The following PDE6A variants were observed in gnomAD, a reference collection of about 807,000 sequenced individuals.
The protein encoded by PDE6A is phosphodiesterase 6A.
PDE6A carries 84 observed loss-of-function variants against 106.3 expected under a neutral mutation model. The ratio of observed to expected loss-of-function variants is 0.79; its 90% CI spans 0.66 to 0.95. The LOEUF is 0.95. PDE6A is among the 40% of genes least tolerant of loss of function. PDE6A has a pLI of 0.00. For missense variants in PDE6A, 1,052 were observed against 1,084.9 expected (o/e 0.97, Z 0.43); for synonymous variants, 394 against 386.6 (o/e 1.02, Z -0.23).
chr5:149,907,463 T>A, intron 6 of PDE6A, 85 bp from the exon 7 acceptor site: 1 of 1,053,324 alleles, frequency 9.5e-7, no homozygotes, highest in East Asian at 2.4e-5. Context: ...GCGCTCCCCC[T>A]GCTCTCAGGT....
chr5:149,895,050 C>T, intron 13 of PDE6A, 133 bp downstream of exon 13: 3 of 699,940 alleles, frequency 4.3e-6, no homozygotes, highest in Admixed American at 4.1e-5. Flanking sequence ...TAAGCCCGTA[C>T]TGCTTTCACA....
chr5:149,937,355 G>C (rs946950129), intron 1 of PDE6A, among the ~76,000 whole-genome samples: 7 of 152,176 alleles, frequency 4.6e-5, no homozygotes, highest in Non-Finnish European at 7.3e-5. Flanking sequence ...CCATGGGAAA[G>C]AGTTTTGATT....
At chr5:149,897,734 C>T (rs1752808103) in intron 10 of PDE6A, among the ~76,000 whole-genome samples, 1 of 152,128 alleles carries the variant, frequency 6.6e-6, no homozygotes, top group South Asian at 2.1e-4. Context: ...GCACACGCCA[C>T]CATGCCTGAC....
chr5:149,878,563 G>A (rs1019986504), intron 17 of PDE6A, among the ~76,000 whole-genome samples: 1 of 152,206 alleles, frequency 6.6e-6, no homozygotes, highest in Non-Finnish European at 1.5e-5. Flanking sequence ...CAAAGGGCAT[G>A]AGCACTTACA....
intron 1 of PDE6A, among the ~76,000 whole-genome samples, chr5:149,938,004 C>T (rs1023626116): frequency 6.6e-6 from 1 of 152,172 alleles, no homozygotes; most frequent in African/African-American, 2.4e-5. Flanking sequence ...ATTCATTGAG[C>T]ACTCACTATG....
At chr5:149,897,031 G>A (rs1466300985) in intron 10 of PDE6A, among the ~76,000 whole-genome samples, 1 of 152,162 alleles carries the variant, frequency 6.6e-6, no homozygotes, top group Non-Finnish European at 1.5e-5. Context: ...TGTAAGTTGA[G>A]GATAATAAAC....
chr5:149,927,827 A>T (rs1561778146), intron 4 of PDE6A, among the ~76,000 whole-genome samples: 1 of 150,916 alleles, frequency 6.6e-6, no homozygotes, highest in African/African-American at 2.4e-5. Flanking sequence ...TTTCTCTTAA[A>T]TTTTTTTTTC....
intron 6 of PDE6A, 146 bp from the exon 7 acceptor site, chr5:149,907,524 T>C: frequency 1.5e-6 from 1 of 687,038 alleles, no homozygotes; most frequent in Non-Finnish European, 2.7e-6. Context: ...CCCAAAATGT[T>C]GGCCAACCAT....
chr5:149,874,482 G>T (rs1455320014), intron 17 of PDE6A, among the ~76,000 whole-genome samples: 3 of 149,414 alleles, frequency 2.0e-5, no homozygotes, highest in Non-Finnish European at 4.4e-5. Context: ...GAGGGGGAAT[G>T]CGTGCCACCA....
Position 149,905,387 on chromosome 5 carries a change from G to A in PDE6A, c.1066-1692C>T, listed in dbSNP as rs1753144613. Among the ~76,000 whole-genome samples, 3 of 152,118 alleles carry A rather than the reference G, an allele frequency of 2.0e-5. No homozygotes were observed. In the South Asian group the frequency reaches 6.2e-4, roughly 32 times the overall value. Reference sequence around the variant, plus strand: ...GCTTCCAACACTCCTCTCTCTCCATGGCATCAGAATTGTCTCTTCATCTAC... The same window carrying A: ...GCTTCCAACACTCCTCTCTCTCCATAGCATCAGAATTGTCTCTTCATCTAC... On this transcript the variant is annotated intron_variant, in intron 7 of 21. Transcript: ENST00000255266.
At chr5:149,937,232 G>A (rs73269792) in intron 1 of PDE6A, among the ~76,000 whole-genome samples, 2,041 of 152,294 alleles carry the variant, frequency 0.013, 52 homozygotes, top group African/African-American at 0.042. Context: ...GCTGGTCCTC[G>A]TGAGGAACAG....
At chr5:149,928,985 G>A (rs1753948869) in intron 4 of PDE6A, among the ~76,000 whole-genome samples, 1 of 152,152 alleles carries the variant, frequency 6.6e-6, no homozygotes, top group South Asian at 2.1e-4. Context: ...AAGTTACTAA[G>A]AATAATAATA....
At position 149,860,776 on chromosome 5, in the gene PDE6A, C is replaced by T. The variant is rs1760106373; in HGVS notation, c.*119G>A. 3 of 830,114 alleles carry T rather than the reference C, an allele frequency of 3.6e-6. No individual in the cohort carries two copies. The highest frequency in any genetic ancestry group is 5.9e-6 in the Non-Finnish European group (3 of 508,716). The allele number at this position is 830,114 out of a possible 1,614,324, so 51.4% of individuals were successfully genotyped here. On this transcript the variant is annotated 3_prime_UTR_variant, in exon 22 of 22. Coordinates refer to ENST00000255266, the MANE Select transcript of PDE6A (RefSeq NM_000440.3). The stretch of plus-strand genomic sequence containing the variant: ...TGAACAGTCCTGGAAGCTAAATTCT[C>T]TAACAGCTTTCAAATCCTATGACTC...
At position 149,931,121 on chromosome 5, in the gene PDE6A, G is replaced by T; in HGVS notation, c.765C>A (p.Ile255=). The T allele has an allele frequency of 6.2e-7, 1 of 1,614,060 alleles. No homozygotes were observed. ...ACAGGGCTTTGTGGAACTGTCGTTCGATGTCCGTAAGTTCTTCAAAGACTT... is the reference window on the plus strand; with the variant it reads ...ACAGGGCTTTGTGGAACTGTCGTTCTATGTCCGTAAGTTCTTCAAAGACTT... ...GSKVFEELTD[I]ERQFHKALYT... The change falls in exon 4 of 22, where the codon ATC becomes ATA. Residue 255 remains isoleucine, a synonymous_variant. Transcript: ENST00000255266.
Position 149,898,425 on chromosome 5 carries a change from T to C in PDE6A, c.1345A>G (p.Ile449Val). 25 of 1,613,450 alleles carry C rather than the reference T, an allele frequency of 1.5e-5. No homozygotes were observed. Among genetic ancestry groups the C allele is most frequent in the Non-Finnish European group, 2.1e-5 (25 of 1,179,400 alleles). The change falls in exon 10 of 22, where the codon ATT (isoleucine) becomes GTT (valine). Residue 449 changes from isoleucine (I) to valine (V), a missense_variant. This residue lies in a region of PDE6A where 913 missense variants were observed against 915.2 expected (regional missense o/e 1.00). Transcript: ENST00000255266. ...SMNKLENRKD[I>V]FQDIVKYHVK... ...TGATATTTTACTATGTCCTGGAAAATATCCTTCCTATTTTCAAGTTTATTC... is the reference window on the plus strand; with the variant it reads ...TGATATTTTACTATGTCCTGGAAAACATCCTTCCTATTTTCAAGTTTATTC...
chr5:149,896,415 AT>A lies in PDE6A; in HGVS notation c.1560del (p.Lys520AsnfsTer30). The A allele has an allele frequency of 6.2e-7, 1 of 1,614,146 alleles. No homozygotes were observed. Among genetic ancestry groups the A allele is most frequent in the Non-Finnish European group, 8.5e-7 (1 of 1,179,998 alleles). On this transcript the variant is annotated frameshift_variant, in exon 12 of 22. Coordinates refer to ENST00000255266, the MANE Select transcript of PDE6A (RefSeq NM_000440.3). LOFTEE classifies it high-confidence loss of function. ...DLPLTELELV[K>X]CGIQMYYELK... ...AGCTCATAATACATCTGTATTCCAC[AT>A]TTTACCAGCTCCAGTTCTGTTAGGG...
chr5:149,916,701 C>T (rs777434972), intron 5 of PDE6A, among the ~76,000 whole-genome samples: 2 of 152,122 alleles, frequency 1.3e-5, no homozygotes, highest in African/African-American at 4.8e-5. Context: ...TCTGTATGCC[C>T]AAGCGTGATG....
At chr5:149,884,731 G>A (rs747874062) in intron 15 of PDE6A, 49 bp downstream of exon 15, 3 of 1,545,728 alleles carry the variant, frequency 1.9e-6, no homozygotes, top group South Asian at 2.2e-5. Flanking sequence ...GTGAAATAGA[G>A]CCTCTGATCC....
chr5:149,900,457 C>T (rs1752935372), intron 8 of PDE6A, among the ~76,000 whole-genome samples: 2 of 143,936 alleles, frequency 1.4e-5, no homozygotes, highest in Non-Finnish European at 3.0e-5. Flanking sequence ...CTGAGGAAGC[C>T]AAGGCACAGA....
Sources: gnomAD v4.1 joint callset for allele counts (sites outside exome capture counted in the v4.1 genomes callset) on GRCh38, gnomAD v4.1.1 for gene constraint, gnomAD v4.1.1 regional missense constraint, MANE v1.5 for transcripts, NCBI Gene and HGNC (gene_info 2026-07-23, HGNC 2026-07-21) for gene names.